Variants in NTRK3 observed in about 807,000 individuals in gnomAD.
The protein encoded by NTRK3 is NT-3 growth factor receptor.
Under a neutral mutation model 91.7 loss-of-function variants are expected in NTRK3, and 24 were observed. The ratio of observed to expected loss-of-function variants is 0.26; its 90% confidence interval spans 0.19 to 0.37. The LOEUF (loss-of-function observed/expected upper bound fraction) is 0.37, where lower values mean the gene tolerates loss of function less well. Among genes scored for constraint, NTRK3 ranks in the 10% least tolerant of loss-of-function variants. NTRK3 has a pLI of 1.00. For missense variants in NTRK3, 880 were observed against 1,068.9 expected (o/e 0.82, Z 2.46); for synonymous variants, 483 against 404.0 (o/e 1.20, Z -2.34).
At chr15:88,108,544 T>C (rs902055049) in intron 13 of NTRK3, among the ~76,000 whole-genome samples, 1 of 152,212 alleles carries the variant, frequency 6.6e-6, no homozygotes, top group Non-Finnish European at 1.5e-5. Context: ...AATCATAGAA[T>C]GTTACAACTG....
At chr15:88,143,692 T>C (rs1164269678) in intron 6 of NTRK3, among the ~76,000 whole-genome samples, 3 of 152,152 alleles carry the variant, frequency 2.0e-5, no homozygotes, top group Non-Finnish European at 4.4e-5. Context: ...ATGATCACTA[T>C]AGTAATACTA....
chr15:88,031,108 C>T (rs60565720), intron 14 of NTRK3, among the ~76,000 whole-genome samples: 2,061 of 152,296 alleles, frequency 0.014, 42 homozygotes, highest in African/African-American at 0.047. Context: ...GAATCAACAA[C>T]ATGTATTAAA....
chr15:87,919,608 G>GA (rs2067708051), intron 17 of NTRK3, among the ~76,000 whole-genome samples: 1 of 152,170 alleles, frequency 6.6e-6, no homozygotes. Flanking sequence ...GGAGTGCAAA[G>GA]ATGATAGCAA....
chr15:87,991,627 C>A (rs2075295275), intron 14 of NTRK3, among the ~76,000 whole-genome samples: 4 of 152,148 alleles, frequency 2.6e-5, no homozygotes, highest in African/African-American at 9.7e-5. Flanking sequence ...TCTGACAGGC[C>A]AATTCTCTAA....
At chr15:87,921,369 G>A (rs758735117) in intron 17 of NTRK3, among the ~76,000 whole-genome samples, 3 of 152,144 alleles carry the variant, frequency 2.0e-5, no homozygotes, top group Non-Finnish European at 4.4e-5. Flanking sequence ...GTACCTAATG[G>A]CTAAAACCAA....
chr15:87,882,558 C>T (rs2065311226), intron 17 of NTRK3, among the ~76,000 whole-genome samples: 1 of 151,970 alleles, frequency 6.6e-6, no homozygotes, highest in South Asian at 2.1e-4. Context: ...ATTAGTACTA[C>T]CACTGATACA....
Position 88,238,074 on chromosome 15 carries a change from A to G in NTRK3, c.248+17832T>C, listed in dbSNP as rs1173367833. On this transcript the variant is annotated intron_variant, in intron 3 of 18. Transcript: ENST00000394480. ...GATTAGGACACAGGCACACACACAC[A>G]GAGAGAAGACCATGTAAAGATACAG... is the stretch of plus-strand genomic sequence containing the variant. 3.3e-5 allele frequency among the ~76,000 whole-genome samples: 5 copies of G among 151,956 alleles called. No individual in the cohort carries two copies. In the East Asian group the frequency reaches 7.7e-4, roughly 24 times the overall value.
At position 87,931,631 on chromosome 15, in the gene NTRK3, G is replaced by T. The variant is rs554236175; in HGVS notation, c.1889+1381C>A. ...CTTATGCTAAAGACAAAGTTCTCCA[G>T]GAAAGGAATCCATTTCATTGTGAAT... On this transcript the variant is annotated intron_variant, in intron 16 of 18. Transcript: ENST00000394480. 5.5e-4 allele frequency among the ~76,000 whole-genome samples: 84 copies of T among 152,282 alleles called. 1 individual carries two copies. Among genetic ancestry groups the T allele is most frequent in the Non-Finnish European group, 6.3e-4 (43 of 68,028 alleles).
exon 19 of NTRK3, chr15:87,869,578 T>G: frequency 4.7e-6 from 1 of 214,150 alleles, no homozygotes; most frequent in Non-Finnish European, 9.4e-6. Flanking sequence ...GGGATTCACC[T>G]TGTATTAAGA....
intron 17 of NTRK3, among the ~76,000 whole-genome samples, chr15:87,910,211 G>A (rs887805760): frequency 1.3e-5 from 2 of 152,178 alleles, no homozygotes; most frequent in Non-Finnish European, 2.9e-5. Flanking sequence ...GAGGGATGAG[G>A]AAGTTCGAGG....
exon 19 of NTRK3, chr15:87,862,549 A>G (rs1423274615): frequency 2.2e-5 from 5 of 226,712 alleles, no homozygotes; most frequent in Non-Finnish European, 3.5e-5. Flanking sequence ...TGCCTTCCCA[A>G]CACAGGATTC....
chr15:88,135,850 G>A, intron 9 of NTRK3, 49 bp downstream of exon 9: 1 of 1,608,876 alleles, frequency 6.2e-7, no homozygotes, highest in Non-Finnish European at 8.5e-7. Flanking sequence ...AGCCTCCTAT[G>A]CCAGTTGCCC....
At chr15:87,984,284 G>A (rs78759080) in intron 14 of NTRK3, among the ~76,000 whole-genome samples, 1 of 152,200 alleles carries the variant, frequency 6.6e-6, no homozygotes, top group African/African-American at 2.4e-5. Flanking sequence ...GAATCTTGGT[G>A]AAGAAAGGAT....
At chr15:88,205,536 G>T (rs941127245) in intron 3 of NTRK3, among the ~76,000 whole-genome samples, 2 of 152,190 alleles carry the variant, frequency 1.3e-5, no homozygotes, top group Admixed American at 6.5e-5. Flanking sequence ...ATGAGCTCTG[G>T]TATATCATCC....
At chr15:87,916,665 G>C in intron 17 of NTRK3, 1 of 688,308 alleles carries the variant, frequency 1.5e-6, no homozygotes, top group Non-Finnish European at 2.6e-6. Flanking sequence ...ATTATTTTTT[G>C]GCAGGATTAG....
At chr15:88,132,206 C>G (rs1322497029) in intron 10 of NTRK3, among the ~76,000 whole-genome samples, 1 of 152,186 alleles carries the variant, frequency 6.6e-6, no homozygotes, top group East Asian at 1.9e-4. Context: ...CTAGGTTGAC[C>G]AGAAAATGAC....
intron 14 of NTRK3, among the ~76,000 whole-genome samples, chr15:87,955,205 C>T (rs1365010937): frequency 6.6e-6 from 1 of 152,220 alleles, no homozygotes; most frequent in Non-Finnish European, 1.5e-5. Flanking sequence ...CTGCCTTGTG[C>T]CCGTGGACAC....
chr15:88,111,830 A>G (rs1027682449), intron 13 of NTRK3, among the ~76,000 whole-genome samples: 8 of 151,762 alleles, frequency 5.3e-5, no homozygotes, highest in African/African-American at 1.9e-4. Context: ...CAATGATACA[A>G]TTTGCTACTA....
At chr15:88,193,998 GA>G (rs2047616981) in intron 3 of NTRK3, among the ~76,000 whole-genome samples, 1 of 151,894 alleles carries the variant, frequency 6.6e-6, no homozygotes. Context: ...CTACTCTACT[GA>G]AACTGCACTG....
Sources: allele counts gnomAD v4.1 joint callset (sites outside exome capture counted in the v4.1 genomes callset), GRCh38; gene constraint gnomAD v4.1.1; transcripts MANE v1.5; gene names NCBI Gene and HGNC (gene_info 2026-07-23, HGNC 2026-07-21).